DTHD1: variants seen among roughly 807,000 people sequenced by gnomAD.
The protein encoded by DTHD1 is death domain containing 1.
A neutral mutation model predicts 74.8 loss-of-function variants in DTHD1; 59 were observed. The ratio of observed to expected loss-of-function variants is 0.79; its 90% CI spans 0.64 to 0.98. DTHD1 has a LOEUF of 0.98. Among genes scored for constraint, DTHD1 ranks in the 50% least tolerant of loss-of-function variants. The probability of loss-of-function intolerance (pLI) is 0.00; values close to 1 mark genes in which losing one functional copy is unlikely to be tolerated. For synonymous variants in DTHD1, 365 were observed against 371.1 expected, an observed-to-expected ratio of 0.98 and a Z score of 0.19; for missense variants, 1,051 against 1,065.4, an observed-to-expected ratio of 0.99 and a Z score of 0.19.
chr4:36,334,011 TAGCTTTAGGTA>T (rs1167484687), intron 8 of DTHD1: 1 of 152,204 alleles, frequency 6.6e-6, no homozygotes, highest in Non-Finnish European at 1.5e-5. Flanking sequence ...TACATCCCTA[TAGCTTTAGGTA>T]AGGTGAAGCA....
chr4:36,305,395 G>C (rs1276821537), intron 5 of DTHD1, among the ~76,000 whole-genome samples: 1 of 152,120 alleles, frequency 6.6e-6, no homozygotes, highest in Non-Finnish European at 1.5e-5. Flanking sequence ...GAGAGAATGA[G>C]AGCCAAGCAA....
chr4:36,290,496 T>G lies in DTHD1; in HGVS notation c.1011T>G (p.Gly337=). 6.4e-7 allele frequency: 1 copy of G among 1,551,638 alleles called. No homozygotes were observed. The highest frequency in any genetic ancestry group is 1.4e-5 in the African/African-American group (1 of 73,122). ...IINHMSSLIV[G]DNEELVSNVI... ...ATCACATGAGTTCTTTAATAGTGGG[T>G]GATAATGAAGAGTTAGTTAGCAACG... is the stretch of plus-strand genomic sequence containing the variant. The change falls in exon 3 of 10, where the codon GGT becomes GGG. Residue 337 remains glycine (G), a synonymous_variant. Transcript: ENST00000639862.
intron 9 of DTHD1, 35 bp downstream of exon 9, chr4:36,339,204 T>C: frequency 1.4e-6 from 2 of 1,414,866 alleles, no homozygotes; most frequent in Non-Finnish European, 2.0e-6. Context: ...ATTATAGTGC[T>C]TCCCCACCCC....
At chr4:36,284,943 C>T (rs1251344935) in intron 2 of DTHD1, among the ~76,000 whole-genome samples, 1 of 152,128 alleles carries the variant, frequency 6.6e-6, no homozygotes, top group Admixed American at 6.5e-5. Flanking sequence ...CAAAAGGACC[C>T]ACCTCCTAAT....
intron 2 of DTHD1, among the ~76,000 whole-genome samples, chr4:36,286,528 TC>T (rs1755722629): frequency 6.6e-6 from 1 of 152,182 alleles, no homozygotes. Flanking sequence ...GCAACCTATC[TC>T]TTCCTAGCTG....
At chr4:36,310,975 T>A (rs1462257621) in intron 7 of DTHD1, among the ~76,000 whole-genome samples, 1 of 152,152 alleles carries the variant, frequency 6.6e-6, no homozygotes, top group Non-Finnish European at 1.5e-5. Flanking sequence ...GACATAGTAC[T>A]AAGCAGAAGG....
At chr4:36,286,939 G>C (rs1386771924) in intron 2 of DTHD1, among the ~76,000 whole-genome samples, 1 of 151,682 alleles carries the variant, frequency 6.6e-6, no homozygotes, top group South Asian at 2.1e-4. Flanking sequence ...CTATATACCT[G>C]TATTTTATTT....
At chr4:36,336,944 T>C (rs989370075) in intron 8 of DTHD1, among the ~76,000 whole-genome samples, 3 of 152,090 alleles carry the variant, frequency 2.0e-5, no homozygotes, top group African/African-American at 7.2e-5. Context: ...CATCTTTTGA[T>C]TGCAAGGAGG....
At position 36,339,125 on chromosome 4, in the gene DTHD1, T is replaced by G. The variant is rs577534478; in HGVS notation, c.2354T>G (p.Ile785Ser). ...TTCCCCCAATAGCATAAGAAATTAA[T>G]CAACCGTCCACAGAGTACCAAAAGA... The part of the protein sequence containing the change: ...PLKLPKHKKL[I>S]NRPQSTKRVS... The change falls in exon 9 of 10, where the codon ATC (isoleucine) becomes AGC (serine). Residue 785 changes from isoleucine (I) to serine (S), a missense_variant. Transcript: ENST00000639862. 6.5e-7 allele frequency: 1 copy of G among 1,547,886 alleles called. No individual in the cohort carries two copies. The highest frequency in any genetic ancestry group is 2.5e-5 in the East Asian group (1 of 40,800).
At position 36,346,165 on chromosome 4, in the gene DTHD1, T is replaced by C. The variant is rs1759573593; in HGVS notation, c.*2341T>C. Among the ~76,000 whole-genome samples the C allele has an allele frequency of 6.6e-6, 1 of 151,808 alleles. No individual in the cohort carries two copies. The highest frequency in any genetic ancestry group is 1.5e-5 in the Non-Finnish European group (1 of 67,950). The stretch of plus-strand genomic sequence containing the variant: ...AGATCCACTTGTACACTCTCACAAA[T>C]GTCCTCGTTCACATATACCCCACCT... On this transcript the variant is annotated 3_prime_UTR_variant, in exon 10 of 10. Transcript: ENST00000639862.
chr4:36,339,223 T>G, intron 9 of DTHD1, 54 bp downstream of exon 9: 1 of 1,258,966 alleles, frequency 7.9e-7, no homozygotes, highest in Non-Finnish European at 1.1e-6. Flanking sequence ...CCCTTATATG[T>G]TGTATATATG....
At chr4:36,301,991 TG>T (rs1305628351) in intron 5 of DTHD1, among the ~76,000 whole-genome samples, 1 of 152,158 alleles carries the variant, frequency 6.6e-6, no homozygotes, top group Non-Finnish European at 1.5e-5. Flanking sequence ...GTTCTAGCAC[TG>T]TGAAAATTTC....
At chr4:36,335,245 G>A (rs1758943556) in intron 8 of DTHD1, among the ~76,000 whole-genome samples, 1 of 151,948 alleles carries the variant, frequency 6.6e-6, no homozygotes, top group Non-Finnish European at 1.5e-5. Flanking sequence ...TTTTGAGGGG[G>A]GGTGCTCTCA....
At chr4:36,295,886 T>C (rs1464610559) in intron 5 of DTHD1, among the ~76,000 whole-genome samples, 1 of 152,022 alleles carries the variant, frequency 6.6e-6, no homozygotes, top group Non-Finnish European at 1.5e-5. Context: ...ATAGGTACCA[T>C]TGAAGAAGAG....
At chr4:36,327,498 T>C (rs976906843) in intron 8 of DTHD1, among the ~76,000 whole-genome samples, 1 of 152,206 alleles carries the variant, frequency 6.6e-6, no homozygotes, top group Non-Finnish European at 1.5e-5. Context: ...GTCTTCCACG[T>C]AGCTGCATTT....
At chr4:36,282,369 G>T (rs113601463) in intron 1 of DTHD1, among the ~76,000 whole-genome samples, 1 of 152,116 alleles carries the variant, frequency 6.6e-6, no homozygotes, top group South Asian at 2.1e-4. Context: ...AGAGAGAGTC[G>T]GTAATTTTAG....
chr4:36,341,314 A>T (rs1759302032), intron 9 of DTHD1, among the ~76,000 whole-genome samples: 1 of 152,178 alleles, frequency 6.6e-6, no homozygotes, highest in Non-Finnish European at 1.5e-5. Flanking sequence ...GGCAGGTGTG[A>T]AGGGAAAATA....
intron 9 of DTHD1, among the ~76,000 whole-genome samples, chr4:36,341,491 G>C (rs941425622): frequency 6.6e-6 from 1 of 152,178 alleles, no homozygotes; most frequent in Non-Finnish European, 1.5e-5. Flanking sequence ...ATGAGAGTGA[G>C]ATTGGGGCTA....
At chr4:36,309,390 T>TGCAGGTTGCAGTGAGGCGAGATC (rs2109502345) in intron 7 of DTHD1, among the ~76,000 whole-genome samples, 1 of 152,304 alleles carries the variant, frequency 6.6e-6, no homozygotes, top group East Asian at 1.9e-4. Flanking sequence ...AGGCGGAGGT[T>TGCAGGTTGCAGTGAGGCGAGATC]GCAGGTTGCA....
Sources: gnomAD v4.1 joint callset for allele counts (sites outside exome capture counted in the v4.1 genomes callset) on GRCh38, gnomAD v4.1.1 for gene constraint, MANE v1.5 for transcripts, NCBI Gene and HGNC (gene_info 2026-07-23, HGNC 2026-07-21) for gene names.